Variants in PDE10A observed in about 807,000 individuals in gnomAD.
The protein encoded by PDE10A is cAMP and cAMP-inhibited cGMP 3',5'-cyclic phosphodiesterase 10A.
Under a neutral mutation model 97.7 loss-of-function variants are expected in PDE10A, and 39 were observed. The observed-to-expected ratio is 0.40, with a 90% CI of 0.31 to 0.52. PDE10A has a LOEUF of 0.52. Among genes scored for constraint, PDE10A ranks in the 20% least tolerant of loss-of-function variants. The pLI is 0.56. For synonymous variants in PDE10A, 371 were observed against 376.8 expected (o/e 0.98, Z 0.18); for missense variants, 731 against 1,047.8 (o/e 0.70, Z 4.17).
chr6:165,457,870 G>A (rs984290678), intron 3 of PDE10A, among the ~76,000 whole-genome samples: 4 of 152,172 alleles, frequency 2.6e-5, no homozygotes, highest in African/African-American at 9.7e-5. Context: ...ATGTAAACAT[G>A]CATTAGACAG....
chr6:165,591,556 C>A (rs1786270756), intron 1 of PDE10A, among the ~76,000 whole-genome samples: 2 of 152,248 alleles, frequency 1.3e-5, no homozygotes, highest in Admixed American at 6.5e-5. Flanking sequence ...ATTTGAACCT[C>A]CACAAGCATT....
chr6:165,830,522 C>T (rs889891457), intron 1 of PDE10A, among the ~76,000 whole-genome samples: 2 of 152,098 alleles, frequency 1.3e-5, no homozygotes, highest in African/African-American at 4.8e-5. Context: ...CGGTTTGCCG[C>T]ATGTCCAGGA....
chr6:165,788,595 C>T (rs1778563223), intron 1 of PDE10A, among the ~76,000 whole-genome samples: 1 of 148,448 alleles, frequency 6.7e-6, no homozygotes, highest in African/African-American at 2.5e-5. Context: ...AGTAGGTATT[C>T]TATTTTCTCA....
chr6:165,590,474 A>G (rs1328381), intron 1 of PDE10A, among the ~76,000 whole-genome samples: 27,822 of 152,170 alleles, frequency 0.18, 2,660 homozygotes, highest in African/African-American at 0.23. Context: ...AAGAGTATGT[A>G]CTTTTCATTT....
intron 1 of PDE10A, among the ~76,000 whole-genome samples, chr6:165,812,145 C>T (rs1255788788): frequency 6.6e-6 from 1 of 152,182 alleles, no homozygotes; most frequent in African/African-American, 2.4e-5. Flanking sequence ...AGCCACCCAC[C>T]TAGCCAAGCC....
intron 1 of PDE10A, among the ~76,000 whole-genome samples, chr6:165,720,636 A>G (rs1400460950): frequency 2.0e-5 from 3 of 152,206 alleles, no homozygotes; most frequent in African/African-American, 7.2e-5. Context: ...TGAAATTAGC[A>G]CCCATCGATC....
At chr6:165,476,295 C>A (rs1779294179) in intron 3 of PDE10A, among the ~76,000 whole-genome samples, 1 of 152,110 alleles carries the variant, frequency 6.6e-6, no homozygotes, top group Non-Finnish European at 1.5e-5. Flanking sequence ...CTGTTTTGCA[C>A]TCTCAAGATA....
At chr6:165,481,071 G>T (rs1779580330) in intron 3 of PDE10A, among the ~76,000 whole-genome samples, 1 of 152,118 alleles carries the variant, frequency 6.6e-6, no homozygotes, top group African/African-American at 2.4e-5. Context: ...ATGTGGTATT[G>T]TCAATGACAC....
At chr6:165,580,753 A>C (rs553303459) in intron 1 of PDE10A, among the ~76,000 whole-genome samples, 3 of 150,346 alleles carry the variant, frequency 2.0e-5, no homozygotes, top group Admixed American at 2.0e-4. Context: ...CAAAGAAGAT[A>C]GTAAGTCTCC....
At chr6:165,862,032 G>A (rs1344116261) in intron 1 of PDE10A, among the ~76,000 whole-genome samples, 1 of 152,214 alleles carries the variant, frequency 6.6e-6, no homozygotes, top group Admixed American at 6.5e-5. Flanking sequence ...GTGGCTCTGA[G>A]TCTCCTTCCA....
rs1414257082 is a variant in PDE10A, at chr6:165,332,061, G to A, written c.*964C>T. 1.3e-5 allele frequency: 2 copies of A among 152,108 alleles called. No homozygotes were observed. Among genetic ancestry groups the A allele is most frequent in the African/African-American group, 2.4e-5 (1 of 41,418 alleles). 9.4% of individuals were successfully genotyped at this position (152,108 alleles called of 1,614,324 possible). A position where few individuals can be genotyped will look rare whatever the true frequency, so the allele number is the denominator to read the frequency against. On this transcript the variant is annotated 3_prime_UTR_variant, in exon 22 of 22. Coordinates refer to ENST00000539869, the MANE Select transcript of PDE10A (RefSeq NM_001385079.1). ...CTGTATGGTATTTTAATTAAACAAT[G>A]TTTAAAATAAACTTTTCATTGTGAA...
intron 1 of PDE10A, among the ~76,000 whole-genome samples, chr6:165,713,061 C>T (rs1203984649): frequency 2.6e-5 from 4 of 152,210 alleles, no homozygotes; most frequent in African/African-American, 4.8e-5. Context: ...CGAATTGCCA[C>T]GGCCTTGGTC....
chr6:165,660,812 C>A (rs961618224), intron 1 of PDE10A: 1 of 152,220 alleles, frequency 6.6e-6, no homozygotes, highest in Admixed American at 6.5e-5. Context: ...ACGCGGTGGA[C>A]GGTGGCTCCG....
chr6:165,513,190 T>C (rs1781598817), intron 2 of PDE10A, among the ~76,000 whole-genome samples: 1 of 152,086 alleles, frequency 6.6e-6, no homozygotes, highest in Non-Finnish European at 1.5e-5. Flanking sequence ...GTAAGGCATA[T>C]GATTCATATT....
intron 1 of PDE10A, among the ~76,000 whole-genome samples, chr6:165,968,571 TCAGA>T (rs1335294959): frequency 7.9e-5 from 12 of 152,180 alleles, no homozygotes; most frequent in Non-Finnish European, 1.3e-4. Flanking sequence ...GCGTCATGAC[TCAGA>T]CAGAGAGAGA....
rs370865492 is a variant in PDE10A at position 165,567,993 on chromosome 6, C to CCTTTTTT, written c.866-24426_866-24425insAAAAAAG. On this transcript the variant is annotated intron_variant, in intron 1 of 21. Coordinates refer to ENST00000539869, the MANE Select transcript of PDE10A (RefSeq NM_001385079.1). ...AGCACACAATAGGTACGCAACAAGGCATTTTTTTTTTTTTTTTTTTTTTGA... is the reference window on the plus strand; with the variant it reads ...AGCACACAATAGGTACGCAACAAGGCCTTTTTTATTTTTTTTTTTTTTTTTTTTTTGA... Among the ~76,000 whole-genome samples the CCTTTTTT allele has an allele frequency of 5.0e-4, 58 of 115,608 alleles. 6 individuals are homozygous for CCTTTTTT. Among genetic ancestry groups the CCTTTTTT allele is most frequent in the South Asian group, 1.2e-3 (4 of 3,250 alleles). 75.8% of individuals were successfully genotyped at this position (115,608 alleles called of 152,430 possible). A position where few individuals can be genotyped will look rare whatever the true frequency, so the allele number is the denominator to read the frequency against.
chr6:165,516,951 A>T (rs887402055), intron 2 of PDE10A, among the ~76,000 whole-genome samples: 2 of 152,152 alleles, frequency 1.3e-5, no homozygotes, highest in African/African-American at 4.8e-5. Flanking sequence ...ATTACTATAA[A>T]GAACTATATT....
intron 1 of PDE10A, among the ~76,000 whole-genome samples, chr6:165,834,178 C>T (rs1012230481): frequency 1.3e-5 from 2 of 152,222 alleles, no homozygotes; most frequent in African/African-American, 4.8e-5. Context: ...AGAACACCTG[C>T]CCTGCAGACT....
chr6:165,652,593 A>C (rs1237394490), intron 1 of PDE10A, among the ~76,000 whole-genome samples: 1 of 152,154 alleles, frequency 6.6e-6, no homozygotes, highest in Non-Finnish European at 1.5e-5. Flanking sequence ...CTTGAATTCT[A>C]TATTACCATG....
Sources: allele counts gnomAD v4.1 joint callset (sites outside exome capture counted in the v4.1 genomes callset), GRCh38; gene constraint gnomAD v4.1.1; transcripts MANE v1.5; gene names NCBI Gene and HGNC (gene_info 2026-07-23, HGNC 2026-07-21).